The following NPY5R variants were observed in gnomAD, a reference collection of about 807,000 sequenced individuals.
NPY5R encodes the protein neuropeptide Y receptor type 5.
A neutral mutation model predicts 24.8 loss-of-function variants in NPY5R; 21 were observed. That is an observed-to-expected ratio of 0.85 (90% confidence interval 0.60 to 1.22). The LOEUF is 1.22. Among genes scored for constraint, NPY5R ranks in the 50% most tolerant of loss-of-function variants. NPY5R has a pLI of 0.00. For missense variants in NPY5R, 481 were observed against 521.3 expected (o/e 0.92, Z 0.75); for synonymous variants, 175 against 183.0 (o/e 0.96, Z 0.35).
intron 1 of NPY5R, chr4:163,344,910 G>A (rs192266417): frequency 1.9e-4 from 29 of 152,304 alleles, no homozygotes; most frequent in African/African-American, 6.7e-4. Context: ...ATGCCTGTGT[G>A]TTTGTCAGCT....
In NPY5R at chr4:163,351,620, A is replaced by C. The variant is rs1735503446; in HGVS notation, c.*9A>C. Reference sequence around the variant, plus strand: ...ACTGTCTTCATATGTAATAATTCTCACTGTTTACCAAGGAAAGAACAAATG... The same window carrying C: ...ACTGTCTTCATATGTAATAATTCTCCCTGTTTACCAAGGAAAGAACAAATG... On this transcript the variant is annotated 3_prime_UTR_variant, in exon 4 of 4. Transcript: ENST00000338566. 6.4e-7 allele frequency: 1 copy of C among 1,570,424 alleles called. No individual in the cohort carries two copies. The highest frequency in any genetic ancestry group is 2.3e-5 in the East Asian group (1 of 44,362).
chr4:163,349,822 CAT>C (rs1356303346), intron 3 of NPY5R, among the ~76,000 whole-genome samples: 3 of 152,100 alleles, frequency 2.0e-5, no homozygotes, highest in Non-Finnish European at 2.9e-5. Context: ...TTAAAGGTAT[CAT>C]AAACTTTCTG....
intron 2 of NPY5R, among the ~76,000 whole-genome samples, chr4:163,347,094 T>C (rs1735284998): frequency 6.6e-6 from 1 of 152,220 alleles, no homozygotes; most frequent in Admixed American, 6.5e-5. Flanking sequence ...TCTGTTATTT[T>C]AAAGCAAGGG....
chr4:163,350,854 G>A lies in NPY5R; in HGVS notation c.581G>A (p.Ser194Asn). The change falls in exon 4 of 4, where the codon AGC becomes AAC. Residue 194 changes from serine to asparagine, a missense_variant. Transcript: ENST00000338566. The stretch of plus-strand genomic sequence containing the variant: ...ACATTTGGTTCAGCATTGCTGAGCA[G>A]CAGGTATTTATGTGTTGAGTCATGG... The part of the protein sequence containing the change: ...QETFGSALLS[S>N]RYLCVESWPS... 6.2e-7 allele frequency: 1 copy of A among 1,614,194 alleles called. No homozygotes were observed. Among genetic ancestry groups the A allele is most frequent in the Non-Finnish European group, 8.5e-7 (1 of 1,180,036 alleles).
intron 1 of NPY5R, chr4:163,344,696 T>C (rs1033587642): frequency 6.6e-5 from 10 of 152,288 alleles, no homozygotes; most frequent in African/African-American, 2.4e-4. Context: ...GAATTCTTTT[T>C]TCCAAGTTCA....
rs75269811 is a variant in NPY5R at position 163,350,303 on chromosome 4, C to A, written c.30C>A (p.Asn10Lys). The A allele has an allele frequency of 1.3e-5, 21 of 1,589,400 alleles. No homozygotes were observed. Among genetic ancestry groups the A allele is most frequent in the South Asian group, 1.1e-4 (10 of 88,808 alleles). ...ATTTAGAGCTCGACGAGTATTATAACAAGACACTTGCCACAGAGAATAATA... is the reference window on the plus strand; with the variant it reads ...ATTTAGAGCTCGACGAGTATTATAAAAAGACACTTGCCACAGAGAATAATA... The part of the protein sequence containing the change: MDLELDEYY[N>K]KTLATENNTA... Residue 10 changes from asparagine to lysine, a missense_variant, in exon 4 of 4, where the codon AAC (asparagine) becomes AAA (lysine). By Grantham distance (94) the Asn-to-Lys change is moderately conservative (BLOSUM62 0). Transcript: ENST00000338566.
chr4:163,351,106 G>C lies in NPY5R; in HGVS notation c.833G>C (p.Ser278Thr), dbSNP rs886454677. ...AAACTCTCTGGCAGCCATAAATGGA[G>C]TTATTCATTCATCAAAAAACACAGA... ...QVKLSGSHKWSYSFIKKHRRR... is the reference protein window; with the variant it reads ...QVKLSGSHKWTYSFIKKHRRR... Residue 278 changes from serine (S) to threonine (T), a missense_variant, in exon 4 of 4, where the codon AGT (serine) becomes ACT (threonine). Coordinates refer to ENST00000338566, the MANE Select transcript of NPY5R (RefSeq NM_006174.4). The C allele has an allele frequency of 2.5e-6, 4 of 1,614,110 alleles. No individual in the cohort carries two copies. The highest frequency in any genetic ancestry group is 3.4e-6 in the Non-Finnish European group (4 of 1,180,028).
intron 3 of NPY5R, among the ~76,000 whole-genome samples, chr4:163,349,727 T>C (rs543790077): frequency 1.3e-5 from 2 of 152,344 alleles, no homozygotes; most frequent in South Asian, 4.1e-4. Context: ...TACCTTAACA[T>C]AAATTAATAC....
Position 163,350,359 on chromosome 4 carries a change from T to G in NPY5R, c.86T>G (p.Val29Gly). The G allele has an allele frequency of 6.2e-7, 1 of 1,612,842 alleles. No homozygotes were observed. Among genetic ancestry groups the G allele is most frequent in the Non-Finnish European group, 8.5e-7 (1 of 1,178,962 alleles). ...GCCACTCGGAATTCTGATTTCCCAG[T>G]CTGGGATGACTATAAAAGCAGTGTA... ...TAATRNSDFPVWDDYKSSVDD... is the reference protein window; with the variant it reads ...TAATRNSDFPGWDDYKSSVDD... The change falls in exon 4 of 4, where the codon GTC becomes GGC. Residue 29 changes from valine (V) to glycine (G), a missense_variant. Physicochemically the swap from Val to Gly is moderately radical, Grantham distance 109. Coordinates refer to ENST00000338566, the MANE Select transcript of NPY5R (RefSeq NM_006174.4).
At chr4:163,344,204 A>C (rs922210482) in intron 1 of NPY5R, 4 of 152,732 alleles carry the variant, frequency 2.6e-5, no homozygotes, top group African/African-American at 9.7e-5. Context: ...AATGGGGATT[A>C]GGGTGGCGGA....
chr4:163,346,394 A>G (rs1312101346), intron 2 of NPY5R, among the ~76,000 whole-genome samples: 1 of 152,196 alleles, frequency 6.6e-6, no homozygotes, highest in Non-Finnish European at 1.5e-5. Flanking sequence ...ATTAATCTAT[A>G]TAGAATATTC....
Position 163,345,753 on chromosome 4 carries a change from G to A in NPY5R, c.-81G>A, listed in dbSNP as rs953985670. 5.3e-5 allele frequency: 8 copies of A among 151,982 alleles called. No individual in the cohort carries two copies. The highest frequency in any genetic ancestry group is 1.2e-4 in the Non-Finnish European group (8 of 67,988). The allele number at this position is 151,982 out of a possible 1,614,324, so 9.4% of individuals were successfully genotyped here. On this transcript the variant is annotated splice_region_variant and 5_prime_UTR_variant, in exon 2 of 4. Coordinates refer to ENST00000338566, the MANE Select transcript of NPY5R (RefSeq NM_006174.4). ...TTTTTCAGGAAAAAGGAAGGGAAAGGGTAAGTTTAATGGAAAAAATCCTGC... is the reference window on the plus strand; with the variant it reads ...TTTTTCAGGAAAAAGGAAGGGAAAGAGTAAGTTTAATGGAAAAAATCCTGC...
At chr4:163,346,002 G>A (rs1474268331) in intron 2 of NPY5R, among the ~76,000 whole-genome samples, 1 of 127,308 alleles carries the variant, frequency 7.9e-6, no homozygotes, top group East Asian at 2.5e-4. Context: ...TTCCTTCATT[G>A]GAGCAAAGAT....
chr4:163,350,230 T>C, intron 3 of NPY5R, 35 bp from the exon 4 acceptor site: 1 of 1,490,496 alleles, frequency 6.7e-7, no homozygotes, highest in Non-Finnish European at 9.0e-7. Flanking sequence ...TAATGTTTTT[T>C]TGGTTGCTGA....
intron 3 of NPY5R, among the ~76,000 whole-genome samples, chr4:163,349,677 T>C (rs1451592886): frequency 6.6e-6 from 1 of 152,242 alleles, no homozygotes; most frequent in African/African-American, 2.4e-5. Context: ...TTTTCTTTCC[T>C]TACGTTATTT....
In NPY5R at chr4:163,351,445, C is replaced by T. The variant is rs1172542968; in HGVS notation, c.1172C>T (p.Thr391Ile). 6.2e-7 allele frequency: 1 copy of T among 1,613,790 alleles called. No homozygotes were observed. The highest frequency in any genetic ancestry group is 1.3e-5 in the African/African-American group (1 of 75,040). Residue 391 changes from threonine (T) to isoleucine (I), a missense_variant, in exon 4 of 4, where the codon ACT becomes ATT. Physicochemically the swap from Thr to Ile is moderately conservative, Grantham distance 89. Transcript: ENST00000338566. ...CCACTACACCTTTTCCATGTGGTAACTGATTTTAATGACAATCTTATTTCA... is the reference window on the plus strand; with the variant it reads ...CCACTACACCTTTTCCATGTGGTAATTGATTTTAATGACAATCTTATTTCA... ...WMPLHLFHVV[T>I]DFNDNLISNR...
chr4:163,351,376 A>G lies in NPY5R; in HGVS notation c.1103A>G (p.Tyr368Cys), dbSNP rs748078024. The change falls in exon 4 of 4, where the codon TAC (tyrosine) becomes TGC (cysteine). Residue 368 changes from tyrosine to cysteine, a missense_variant. Transcript: ENST00000338566. ...RIKKRSRSVF[Y>C]RLTILILVFA... ...AAAAAGAGATCTCGAAGTGTTTTCT[A>G]CAGACTGACCATACTGATATTAGTA... The G allele has an allele frequency of 2.5e-6, 4 of 1,613,332 alleles. No individual in the cohort carries two copies. In the Admixed American group the frequency reaches 6.7e-5, roughly 27 times the overall value.
At chr4:163,350,163 G>T in intron 3 of NPY5R, 102 bp from the exon 4 acceptor site, 1 of 733,566 alleles carries the variant, frequency 1.4e-6, no homozygotes, top group Non-Finnish European at 2.1e-6. Context: ...ATAAGGTCAC[G>T]GGAGCTGATT....
Position 163,351,128 on chromosome 4 carries a change from CAGA to C in NPY5R, c.862_864del (p.Arg288del), listed in dbSNP as rs750456846. The C allele has an allele frequency of 8.7e-6, 14 of 1,613,976 alleles. No homozygotes were observed. The highest frequency in any genetic ancestry group is 1.1e-5 in the Non-Finnish European group (13 of 1,180,014). ...GGAGTTATTCATTCATCAAAAAACA[CAGA>C]AGAAGATATAGCAAGAAGACAGCAT... On this transcript the variant is annotated inframe_deletion, in exon 4 of 4. Transcript: ENST00000338566.
Sources: allele counts gnomAD v4.1 joint callset (sites outside exome capture counted in the v4.1 genomes callset), GRCh38; gene constraint gnomAD v4.1.1; transcripts MANE v1.5; gene names NCBI Gene and HGNC (gene_info 2026-07-23, HGNC 2026-07-21).